PSD3: variants seen among roughly 807,000 people sequenced by gnomAD.
The protein encoded by PSD3 is PH and SEC7 domain-containing protein 3.
PSD3 carries 49 observed loss-of-function variants against 105.5 expected under a neutral mutation model. The observed-to-expected ratio is 0.46, with a 90% confidence interval of 0.37 to 0.59. PSD3 has a LOEUF of 0.59. Among genes scored for constraint, PSD3 ranks in the 20% least tolerant of loss-of-function variants. The pLI, the probability that PSD3 is intolerant of heterozygous loss-of-function variation, is 0.00. For synonymous variants in PSD3, 557 were observed against 457.8 expected (o/e 1.22, Z -2.77); for missense variants, 1,561 against 1,263.8 (o/e 1.24, Z -3.57).
intron 10 of PSD3, among the ~76,000 whole-genome samples, chr8:18,648,920 G>A (rs942613126): frequency 6.6e-6 from 1 of 152,244 alleles, no homozygotes; most frequent in South Asian, 2.1e-4. Context: ...TAAGCCTATG[G>A]GTATGCAGAA....
chr8:18,936,433 T>C (rs990098175), intron 1 of PSD3, among the ~76,000 whole-genome samples: 1 of 152,224 alleles, frequency 6.6e-6, no homozygotes, highest in Non-Finnish European at 1.5e-5. Context: ...GGTCGGTTTT[T>C]AAAAAATTAA....
intron 1 of PSD3, chr8:19,001,910 C>A: frequency 5.3e-6 from 1 of 187,820 alleles, no homozygotes; most frequent in South Asian, 1.5e-4. Flanking sequence ...AAGAAGAAGT[C>A]TGAATATGTG....
Position 18,531,441 on chromosome 8 carries a change from G to C in PSD3, c.*4302C>G, listed in dbSNP as rs1175077614. The C allele has an allele frequency of 6.8e-6, 1 of 147,256 alleles. No individual in the cohort carries two copies. The highest frequency in any genetic ancestry group is 1.5e-5 in the Non-Finnish European group (1 of 66,406). The allele number at this position is 147,256 out of a possible 1,614,324, so 9.1% of individuals were successfully genotyped here. A position where few individuals can be genotyped will look rare whatever the true frequency, so the allele number is the denominator to read the frequency against. On this transcript the variant is annotated 3_prime_UTR_variant, in exon 16 of 16. Transcript: ENST00000327040. ...CCTTTATGGATGAGAGATGGAAAAG[G>C]AATCTGAGAGAAAAATCAGTGACAA...
Position 19,075,228 on chromosome 8 carries a change from A to G in PSD3, c.324+8978T>C, listed in dbSNP as rs538408053. ...CTCCCAAAGTGCTGGGATTACAAGC[A>G]TGAACCACCATGCCTGACCATTAAT... On this transcript the variant is annotated intron_variant, in intron 1 of 1. Coordinates refer to the PSD3 transcript ENST00000521475. 9.2e-5 allele frequency among the ~76,000 whole-genome samples: 14 copies of G among 152,310 alleles called. No individual in the cohort carries two copies. In the South Asian group the frequency reaches 2.7e-3, roughly 29 times the overall value.
At chr8:18,988,928 A>C (rs911676044) in intron 1 of PSD3, among the ~76,000 whole-genome samples, 21 of 152,220 alleles carry the variant, frequency 1.4e-4, no homozygotes, top group Non-Finnish European at 4.4e-5. Context: ...TGGGGGCTTC[A>C]AAGCTGACTG....
intron 2 of PSD3, among the ~76,000 whole-genome samples, chr8:18,913,497 C>A (rs1820381626): frequency 6.6e-6 from 1 of 152,134 alleles, no homozygotes; most frequent in African/African-American, 2.4e-5. Flanking sequence ...CTGGCCCTTG[C>A]AGATAGAGAC....
intron 9 of PSD3, among the ~76,000 whole-genome samples, chr8:18,662,299 C>A (rs1290879559): frequency 7.9e-5 from 12 of 152,162 alleles, no homozygotes; most frequent in Admixed American, 7.9e-4. Context: ...ATGCTAGGTA[C>A]AGATGAATCT....
chr8:18,559,225 A>G (rs1390805007), intron 14 of PSD3, among the ~76,000 whole-genome samples: 1 of 152,320 alleles, frequency 6.6e-6, no homozygotes, highest in Middle Eastern at 3.4e-3. Context: ...ATCTGTTTAC[A>G]TTTCCACAGC....
At chr8:18,617,278 C>G (rs1273570984) in intron 11 of PSD3, among the ~76,000 whole-genome samples, 1 of 152,132 alleles carries the variant, frequency 6.6e-6, no homozygotes, top group African/African-American at 2.4e-5. Flanking sequence ...TACCTGTAAT[C>G]CCACCATTTT....
chr8:19,064,799 T>A (rs1010653782), intron 1 of PSD3, among the ~76,000 whole-genome samples: 2 of 151,080 alleles, frequency 1.3e-5, no homozygotes, highest in Admixed American at 6.7e-5. Context: ...AAACATGAAA[T>A]GCCAGGAATT....
Position 18,871,534 on chromosome 8 carries a change from T to C in PSD3, c.1238+92A>G, listed in dbSNP as rs78054667. 9.4e-4 allele frequency: 1,363 copies of C among 1,445,878 alleles called. 15 individuals are homozygous for C. In the East Asian group the frequency reaches 0.026, roughly 28 times the overall value. 89.6% of individuals were successfully genotyped at this position (1,445,878 alleles called of 1,614,324 possible). A position where few individuals can be genotyped will look rare whatever the true frequency, so the allele number is the denominator to read the frequency against. On this transcript the variant is annotated intron_variant, in intron 3 of 15. Transcript: ENST00000327040. ...TCCATGATAACAAGAACCCAAGGTA[T>C]TGTGATTGAGTTCTCATATCAAGTA... is the stretch of plus-strand genomic sequence containing the variant.
intron 1 of PSD3, among the ~76,000 whole-genome samples, chr8:19,061,942 C>A (rs1005705459): frequency 6.6e-6 from 1 of 152,150 alleles, no homozygotes; most frequent in Non-Finnish European, 1.5e-5. Flanking sequence ...AACTTCCCAA[C>A]AACTTTCCCT....
intron 1 of PSD3, among the ~76,000 whole-genome samples, chr8:18,954,959 A>G (rs551819175): frequency 2.6e-5 from 4 of 152,248 alleles, no homozygotes; most frequent in Admixed American, 6.5e-5. Context: ...AAAAAAAGAG[A>G]TAACATCAAG....
intron 1 of PSD3, among the ~76,000 whole-genome samples, chr8:19,074,609 A>ATTTTTTTT (rs1829394245): frequency 8.2e-5 from 1 of 12,190 alleles, no homozygotes; most frequent in African/African-American, 1.6e-4. Flanking sequence ...ATATATATAT[A>ATTTTTTTT]TATTTTTTTT....
At chr8:18,762,550 G>C (rs1461488750) in intron 9 of PSD3, among the ~76,000 whole-genome samples, 1 of 152,168 alleles carries the variant, frequency 6.6e-6, no homozygotes, top group East Asian at 1.9e-4. Context: ...GCTATCACTG[G>C]TTGTCTTCTG....
intron 11 of PSD3, among the ~76,000 whole-genome samples, chr8:18,622,447 G>A (rs187727221): frequency 1.3e-5 from 2 of 152,294 alleles, no homozygotes; most frequent in African/African-American, 4.8e-5. Flanking sequence ...TGTGCTAGAT[G>A]AGAATTTAAC....
At chr8:18,561,502 A>G (rs1231505703) in intron 14 of PSD3, among the ~76,000 whole-genome samples, 1 of 152,122 alleles carries the variant, frequency 6.6e-6, no homozygotes, top group Non-Finnish European at 1.5e-5. Flanking sequence ...TCAAAGGATG[A>G]AAAATATCAG....
chr8:18,929,364 A>C (rs1037560799), intron 2 of PSD3, among the ~76,000 whole-genome samples: 1 of 152,192 alleles, frequency 6.6e-6, no homozygotes, highest in African/African-American at 2.4e-5. Flanking sequence ...GAGAAGCTAG[A>C]AACCCAGAGT....
chr8:18,604,402 G>C (rs149472362), intron 11 of PSD3, among the ~76,000 whole-genome samples: 260 of 152,298 alleles, frequency 1.7e-3, no homozygotes, highest in African/African-American at 6.1e-3. Context: ...AGCAGGAAAA[G>C]TGCTCAAGAT....
Sources: gnomAD v4.1 joint callset for allele counts (sites outside exome capture counted in the v4.1 genomes callset) on GRCh38, gnomAD v4.1.1 for gene constraint, MANE v1.5 for transcripts, NCBI Gene and HGNC (gene_info 2026-07-23, HGNC 2026-07-21) for gene names.